The following TNXB variants were observed in gnomAD, a reference collection of about 807,000 sequenced individuals.
TNXB encodes tenascin-X.
Under a neutral mutation model 340.5 loss-of-function variants are expected in TNXB, and 183 were observed. That is an observed-to-expected ratio of 0.54 (90% CI 0.48 to 0.61). The LOEUF (loss-of-function observed/expected upper bound fraction) is 0.61. Ranked by LOEUF, TNXB falls within the 20% of genes least tolerant of loss-of-function variation. The pLI is 0.00. For synonymous variants in TNXB, 2,121 were observed against 2,314.5 expected (o/e 0.92, Z 2.40); for missense variants, 4,613 against 5,446.4 (o/e 0.85, Z 4.82).
In TNXB at chr6:32,056,719, C is replaced by T; in HGVS notation, c.8010G>A (p.Lys2670=). ...CCTCGTGCCCCGGCACCCGCACCGCCTTGGGCTGCCCATCCCCATTCCTGT... is the reference window on the plus strand; with the variant it reads ...CCTCGTGCCCCGGCACCCGCACCGCTTTGGGCTGCCCATCCCCATTCCTGT... ...VQYRNGDGQP[K]AVRVPGHEDG... The change falls in exon 23 of 44, where the codon AAG becomes AAA. Residue 2670 remains lysine (K), a synonymous_variant. Coordinates refer to ENST00000644971, the MANE Select transcript of TNXB (RefSeq NM_001365276.2). 6.2e-7 allele frequency: 1 copy of T among 1,613,258 alleles called. No homozygotes were observed. Among genetic ancestry groups the T allele is most frequent in the Middle Eastern group, 1.7e-4 (1 of 6,050 alleles).
chr6:32,079,387 T>C lies in TNXB; in HGVS notation c.4043-22A>G, dbSNP rs1361010908. ...GGAGCTGAGAGAAGAGATAGAGGCA[T>C]AAAGGGCTGCTGGCTTTGCTGCTGC... is the stretch of plus-strand genomic sequence containing the variant. On this transcript the variant is annotated intron_variant, in intron 10 of 43. Coordinates refer to ENST00000644971, the MANE Select transcript of TNXB (RefSeq NM_001365276.2). This position sits in a 1 kb window ranked among gnomAD's most constrained non-coding sequence, Gnocchi z 7.1. 1 of 1,567,948 alleles carries C rather than the reference T, an allele frequency of 6.4e-7. No homozygotes were observed. Among genetic ancestry groups the C allele is most frequent in the African/African-American group, 1.4e-5 (1 of 73,444 alleles).
rs1777263254 is a variant in TNXB, at chr6:32,051,167, CCTGCCTGGCCTCAGATCCTGACTGT to C, written c.9116-871_9116-847del. On this transcript the variant is annotated intron_variant, in intron 26 of 43. Coordinates refer to ENST00000644971, the MANE Select transcript of TNXB (RefSeq NM_001365276.2). The surrounding 1 kb of genome is among the most constrained non-coding windows in gnomAD (Gnocchi z 4.7). ...CTCTAAAGCTGTCACCAAGCTAAGG[CCTGCCTGGCCTCAGATCCTGACTGT>C]CCCCTGAGTATCCACAGGTAGGGTG... 6.6e-6 allele frequency among the ~76,000 whole-genome samples: 1 copy of C among 152,242 alleles called. No individual in the cohort carries two copies. The highest frequency in any genetic ancestry group is 1.5e-5 in the Non-Finnish European group (1 of 68,042).
rs542725901 is a variant in TNXB at position 32,079,864 on chromosome 6, G to A, written c.4043-499C>T. On this transcript the variant is annotated intron_variant, in intron 10 of 43. Transcript: ENST00000644971. The surrounding 1 kb of genome is among the most constrained non-coding windows in gnomAD (Gnocchi z 7.1). Reference sequence around the variant, plus strand: ...ATGAGTGGGAGAAAAATTCTGGGGTGAGTGGGATCCAAGGAGAGACATGTC... The same window carrying A: ...ATGAGTGGGAGAAAAATTCTGGGGTAAGTGGGATCCAAGGAGAGACATGTC... Among the ~76,000 whole-genome samples, 2 of 152,328 alleles carry A rather than the reference G, an allele frequency of 1.3e-5. No homozygotes were observed. The highest frequency in any genetic ancestry group is 4.1e-4 in the South Asian group (2 of 4,826).
chr6:32,062,041 C>T lies in TNXB; in HGVS notation c.7168+116G>A. 1 of 1,328,300 alleles carries T rather than the reference C, an allele frequency of 7.5e-7. No homozygotes were observed. The highest frequency in any genetic ancestry group is 1.0e-6 in the Non-Finnish European group (1 of 979,266). The allele number at this position is 1,328,300 out of a possible 1,614,324, so 82.3% of individuals were successfully genotyped here. ...GTACAATGGGAGCCCCAGCCCCAGCCACAAGTAGGTCTGTGGTGCTGACCA... is the reference window on the plus strand; with the variant it reads ...GTACAATGGGAGCCCCAGCCCCAGCTACAAGTAGGTCTGTGGTGCTGACCA... On this transcript the variant is annotated intron_variant, in intron 20 of 43. Coordinates refer to ENST00000644971, the MANE Select transcript of TNXB (RefSeq NM_001365276.2). The surrounding 1 kb of genome is among the most constrained non-coding windows in gnomAD (Gnocchi z 4.3).
Position 32,087,625 on chromosome 6 carries a change from C to CGGGGGGGGGGGGGGGGGGGGG in TNXB, c.2779+1159_2779+1160insCCCCCCCCCCCCCCCCCCCCC. 1 of 22,564 alleles carries CGGGGGGGGGGGGGGGGGGGGG rather than the reference C, an allele frequency of 4.4e-5. No individual in the cohort carries two copies. Among genetic ancestry groups the CGGGGGGGGGGGGGGGGGGGGG allele is most frequent in the Non-Finnish European group, 1.1e-4 (1 of 9,138 alleles). The allele number at this position is 22,564 out of a possible 1,614,324, so 1.4% of individuals were successfully genotyped here. On this transcript the variant is annotated intron_variant, in intron 6 of 43. Coordinates refer to ENST00000644971, the MANE Select transcript of TNXB (RefSeq NM_001365276.2). This position sits in a 1 kb window ranked among gnomAD's most constrained non-coding sequence, Gnocchi z 9.0. ...AGGGCTGGCGGTGGGGCGGGGGTGGCGGGGCGGGGGTGCGGGGGAGCCGGC... is the reference window on the plus strand; with the variant it reads ...AGGGCTGGCGGTGGGGCGGGGGTGGCGGGGGGGGGGGGGGGGGGGGGGGGGCGGGGGTGCGGGGGAGCCGGC...
At position 32,085,644 on chromosome 6, in the gene TNXB, C is replaced by T. The variant is rs1562858972; in HGVS notation, c.3148+106G>A. On this transcript the variant is annotated intron_variant, in intron 7 of 43. Transcript: ENST00000644971. The surrounding 1 kb of genome is among the most constrained non-coding windows in gnomAD (Gnocchi z 6.4). Reference sequence around the variant, plus strand: ...CTCTATCCAGCCCCAAACATCAGCCCTGCCCTTCACTGGCCCCTCAATATC... The same window carrying T: ...CTCTATCCAGCCCCAAACATCAGCCTTGCCCTTCACTGGCCCCTCAATATC... The T allele has an allele frequency of 7.6e-7, 1 of 1,321,414 alleles. No homozygotes were observed. The highest frequency in any genetic ancestry group is 1.0e-6 in the Non-Finnish European group (1 of 1,001,930). 81.9% of individuals were successfully genotyped at this position (1,321,414 alleles called of 1,614,324 possible).
In TNXB at chr6:32,097,756, C is replaced by T. The variant is rs1193330487; in HGVS notation, c.403+40G>A. ...CTTTATGGACTAGCAATGCCCACCCCACCCCACCTCTCCACCCTCTTCTGT... is the reference window on the plus strand; with the variant it reads ...CTTTATGGACTAGCAATGCCCACCCTACCCCACCTCTCCACCCTCTTCTGT... On this transcript the variant is annotated intron_variant, in intron 2 of 43. Transcript: ENST00000644971. This position sits in a 1 kb window ranked among gnomAD's most constrained non-coding sequence, Gnocchi z 5.9. The T allele has an allele frequency of 6.7e-7, 1 of 1,493,980 alleles. No individual in the cohort carries two copies. The highest frequency in any genetic ancestry group is 2.3e-5 in the Admixed American group (1 of 43,688). 92.5% of individuals were successfully genotyped at this position (1,493,980 alleles called of 1,614,324 possible).
rs200655783 is a variant in TNXB, at chr6:32,097,061, G to A, written c.792C>T (p.Cys264=). ...CACCAGTGTAGCCTGGGTCACACAC[G>A]CAGCGCCCACCCTCACAGCGTCCCC... ...SQRGRCEGGR[C]VCDPGYTGDD... is the part of the protein sequence containing the mutation. Residue 264 remains cysteine (C), a synonymous_variant, in exon 3 of 44, where the codon TGC becomes TGT. Coordinates refer to ENST00000644971, the MANE Select transcript of TNXB (RefSeq NM_001365276.2). This position sits in a 1 kb window ranked among gnomAD's most constrained non-coding sequence, Gnocchi z 5.9. The A allele has an allele frequency of 1.2e-6, 2 of 1,613,662 alleles. No individual in the cohort carries two copies. Among genetic ancestry groups the A allele is most frequent in the Non-Finnish European group, 1.7e-6 (2 of 1,179,760 alleles).
In TNXB at chr6:32,089,398, G is replaced by A. The variant is rs3134957; in HGVS notation, c.2359-19C>T. On this transcript the variant is annotated intron_variant, in intron 4 of 43. Transcript: ENST00000644971. The surrounding 1 kb of genome is among the most constrained non-coding windows in gnomAD (Gnocchi z 6.2). Reference sequence around the variant, plus strand: ...CCTCTGTCTGTGAGAGAGAGCACCAGGTGGCTCAGGGGCTGGCACTCTTGC... The same window carrying A: ...CCTCTGTCTGTGAGAGAGAGCACCAAGTGGCTCAGGGGCTGGCACTCTTGC... 1 of 1,596,164 alleles carries A rather than the reference G, an allele frequency of 6.3e-7. No individual in the cohort carries two copies. The highest frequency in any genetic ancestry group is 8.5e-7 in the Non-Finnish European group (1 of 1,173,218).
At position 32,097,710 on chromosome 6, in the gene TNXB, C is replaced by T. The variant is rs890281379; in HGVS notation, c.403+86G>A. 18 of 1,416,148 alleles carry T rather than the reference C, an allele frequency of 1.3e-5. No homozygotes were observed. The African/African-American group carries it at 2.2e-4, about 17-fold the overall frequency. The allele number at this position is 1,416,148 out of a possible 1,614,324, so 87.7% of individuals were successfully genotyped here. On this transcript the variant is annotated intron_variant, in intron 2 of 43. Coordinates refer to ENST00000644971, the MANE Select transcript of TNXB (RefSeq NM_001365276.2). This position sits in a 1 kb window ranked among gnomAD's most constrained non-coding sequence, Gnocchi z 5.9. ...CCTCATGGTGAGGAAGGAGTGCCTT[C>T]TTCTAATTCATACCAAGGACCTTTA...
chr6:32,064,766 A>G lies in TNXB; in HGVS notation c.6841+55T>C, dbSNP rs1377870154. On this transcript the variant is annotated intron_variant, in intron 19 of 43. Transcript: ENST00000644971. This position sits in a 1 kb window ranked among gnomAD's most constrained non-coding sequence, Gnocchi z 5.3. ...ATAAAGCCACCAGATACTGACAATA[A>G]AAGGGAAACTGAGTCTAGTTCAGGG... 3.2e-6 allele frequency: 5 copies of G among 1,576,784 alleles called. No homozygotes were observed. Among genetic ancestry groups the G allele is most frequent in the Non-Finnish European group, 4.3e-6 (5 of 1,160,804 alleles).
rs2127253239 is a variant in TNXB, at chr6:32,080,964, G to A, written c.4042+404C>T. Among the ~76,000 whole-genome samples the A allele has an allele frequency of 6.6e-6, 1 of 152,266 alleles. No homozygotes were observed. Among genetic ancestry groups the A allele is most frequent in the Non-Finnish European group, 1.5e-5 (1 of 68,028 alleles). On this transcript the variant is annotated intron_variant, in intron 10 of 43. Transcript: ENST00000644971. The surrounding 1 kb of genome is among the most constrained non-coding windows in gnomAD (Gnocchi z 4.3). ...CACAGCAGAAATGGCAGGAGGTTGT[G>A]GGCAGCAGGTGACAGAAGCCCAGAA...
At position 32,064,853 on chromosome 6, in the gene TNXB, C is replaced by T. The variant is rs775868209; in HGVS notation, c.6809G>A (p.Arg2270His). 7 of 1,611,336 alleles carry T rather than the reference C, an allele frequency of 4.3e-6. No individual in the cohort carries two copies. Among genetic ancestry groups the T allele is most frequent in the South Asian group, 2.2e-5 (2 of 90,916 alleles). ...MNLYGFHGGQ[R>H]VGPVSAVGLT... ...ACCAACAGCAGACACGGGGCCCACG[C>T]GCTGGCCACCGTGGAAGCCGTACAG... Residue 2270 changes from arginine (R) to histidine (H), a missense_variant, in exon 19 of 44, where the codon CGC (arginine) becomes CAC (histidine). By Grantham distance (29) the Arg-to-His change is conservative. Coordinates refer to ENST00000644971, the MANE Select transcript of TNXB (RefSeq NM_001365276.2). The surrounding 1 kb of genome is among the most constrained non-coding windows in gnomAD (Gnocchi z 5.3).
Position 32,043,503 on chromosome 6 carries a change from C to T in TNXB, c.11584G>A (p.Val3862Met), listed in dbSNP as rs760291393. 5.0e-5 allele frequency: 36 copies of T among 716,000 alleles called. 1 individual carries two copies. The highest frequency in any genetic ancestry group is 3.7e-4 in the Middle Eastern group (1 of 2,724). 44.4% of individuals were successfully genotyped at this position (716,000 alleles called of 1,614,324 possible). A position where few individuals can be genotyped will look rare whatever the true frequency, so the allele number is the denominator to read the frequency against. The change falls in exon 36 of 44, where the codon GTG becomes ATG. Residue 3862 changes from valine (V) to methionine (M), a missense_variant. Transcript: ENST00000644971. ...RALNLTEGFA[V>M]LHWKPPQNPV... is the part of the protein sequence containing the mutation. Reference sequence around the variant, plus strand: ...TTCTGGGGGGGCTTCCAGTGCAGCACGGCGAATCCCTCGGTCAAGTTCAGT... The same window carrying T: ...TTCTGGGGGGGCTTCCAGTGCAGCATGGCGAATCCCTCGGTCAAGTTCAGT...
chr6:32,101,117 A>C (rs1213513310), intron 1 of TNXB, among the ~76,000 whole-genome samples: 1 of 151,954 alleles, frequency 6.6e-6, no homozygotes, highest in African/African-American at 2.4e-5. Flanking sequence ...TGCAAAACAA[A>C]ATAAGCCAAA....
Position 32,097,835 on chromosome 6 carries a change from T to C in TNXB, c.364A>G (p.Thr122Ala), listed in dbSNP as rs1411732850. Residue 122 changes from threonine to alanine, a missense_variant, in exon 2 of 44, where the codon ACT (threonine) becomes GCT (alanine). By Grantham distance (58) the Thr-to-Ala change is moderately conservative (BLOSUM62 0). Coordinates refer to ENST00000644971, the MANE Select transcript of TNXB (RefSeq NM_001365276.2). This position sits in a 1 kb window ranked among gnomAD's most constrained non-coding sequence, Gnocchi z 5.9. Reference sequence around the variant, plus strand: ...GCAGAGGCAGGACAACATCCCCCAGTGCACTGTTCCTTGAGCCCCTTCACC... The same window carrying C: ...GCAGAGGCAGGACAACATCCCCCAGCGCACTGTTCCTTGAGCCCCTTCACC... The part of the protein sequence containing the change: ...ELVKGLKEQC[T>A]GGCCPASAQA... The C allele has an allele frequency of 2.0e-6, 3 of 1,522,658 alleles. No homozygotes were observed. The highest frequency in any genetic ancestry group is 2.6e-5 in the South Asian group (2 of 76,502). 94.3% of individuals were successfully genotyped at this position (1,522,658 alleles called of 1,614,324 possible).
intron 18 of TNXB, among the ~76,000 whole-genome samples, chr6:32,066,357 G>A (rs1461998145): frequency 6.6e-6 from 1 of 151,992 alleles, no homozygotes; most frequent in East Asian, 1.9e-4. Flanking sequence ...TCATGCCACT[G>A]CACTATAGCC....
chr6:32,085,743 G>A lies in TNXB; in HGVS notation c.3148+7C>T. ...GGATATTGATCTGAGCAGAGTCCAA[G>A]ATGTACCCATAATGCCTTGGTAGAT... On this transcript the variant is annotated splice_region_variant and intron_variant, in intron 7 of 43. Coordinates refer to ENST00000644971, the MANE Select transcript of TNXB (RefSeq NM_001365276.2). This position sits in a 1 kb window ranked among gnomAD's most constrained non-coding sequence, Gnocchi z 6.4. 1 of 1,534,016 alleles carries A rather than the reference G, an allele frequency of 6.5e-7. No homozygotes were observed. The highest frequency in any genetic ancestry group is 1.3e-5 in the South Asian group (1 of 78,106).
Position 32,056,756 on chromosome 6 carries a change from A to C in TNXB, c.7973T>G (p.Phe2658Cys). ...WTVPEGQFDH[F>C]LVQYRNGDGQ... ...ATCCCCATTCCTGTACTGGACCAGG[A>C]AGTGGTCAAACTGGCCCTCGGGAAC... Residue 2658 changes from phenylalanine (F) to cysteine (C), a missense_variant, in exon 23 of 44, where the codon TTC (phenylalanine) becomes TGC (cysteine). This residue lies in a region of TNXB where 4,327 missense variants were observed against 4,859.4 expected (regional missense o/e 0.89). Coordinates refer to ENST00000644971, the MANE Select transcript of TNXB (RefSeq NM_001365276.2). 1 of 1,613,300 alleles carries C rather than the reference A, an allele frequency of 6.2e-7. No homozygotes were observed.
Sources: gnomAD v4.1 joint callset for allele counts (sites outside exome capture counted in the v4.1 genomes callset) on GRCh38, gnomAD v4.1.1 for gene constraint, gnomAD v4.1.1 regional missense constraint, Gnocchi (gnomAD v3.1) non-coding constraint, MANE v1.5 for transcripts, NCBI Gene and HGNC (gene_info 2026-07-23, HGNC 2026-07-21) for gene names.